Variants in PHACTR2 observed in about 807,000 individuals in gnomAD.
PHACTR2 encodes phosphatase and actin regulator 2, also known as chromosome 6 open reading frame 56.
In PHACTR2, 30 loss-of-function variants were observed where a neutral mutation model predicts 76.0. That is an observed-to-expected ratio of 0.39 (90% CI 0.30 to 0.54). The LOEUF is 0.54. Among genes scored for constraint, PHACTR2 ranks in the 20% least tolerant of loss-of-function variants. The probability of loss-of-function intolerance (pLI) is 0.61; values close to 1 mark genes in which losing one functional copy is unlikely to be tolerated. For synonymous variants in PHACTR2, 292 were observed against 292.5 expected (o/e 1.00, Z 0.02); for missense variants, 696 against 781.1 (o/e 0.89, Z 1.30).
Position 143,546,550 on chromosome 6 carries a change from C to T in PHACTR2, c.217+9343C>T, listed in dbSNP as rs1466841216. On this transcript the variant is annotated intron_variant, in intron 1 of 11. Transcript: ENST00000367584. The surrounding 1 kb of genome is among the most constrained non-coding windows in gnomAD (Gnocchi z 4.9). ...TTTTTTGTTTTATGTATATTTTCAC[C>T]TACCTGAATGTTTGGCATATCTTCT... is the stretch of plus-strand genomic sequence containing the variant. Among the ~76,000 whole-genome samples, 1 of 152,006 alleles carries T rather than the reference C, an allele frequency of 6.6e-6. No individual in the cohort carries two copies. Among genetic ancestry groups the T allele is most frequent in the Non-Finnish European group, 1.5e-5 (1 of 68,004 alleles).
In PHACTR2 at chr6:143,556,225, G is replaced by T. The variant is rs1381772473; in HGVS notation, c.217+19018G>T. ...GTGATACCAGCTACTGTATAATTCG[G>T]CCCCAGTTCATTTCAGACTTTCTTC... is the stretch of plus-strand genomic sequence containing the variant. On this transcript the variant is annotated intron_variant, in intron 1 of 11. Coordinates refer to the PHACTR2 transcript ENST00000367584. The surrounding 1 kb of genome is among the most constrained non-coding windows in gnomAD (Gnocchi z 4.3). Among the ~76,000 whole-genome samples the T allele has an allele frequency of 6.6e-6, 1 of 152,196 alleles. No homozygotes were observed. The highest frequency in any genetic ancestry group is 1.5e-5 in the Non-Finnish European group (1 of 68,046).
intron 5 of PHACTR2, among the ~76,000 whole-genome samples, chr6:143,763,186 C>A (rs1779477447): frequency 6.6e-6 from 1 of 151,934 alleles, no homozygotes; most frequent in Non-Finnish European, 1.5e-5. Context: ...TGGTGAAACC[C>A]CATCTCTACT....
Position 143,617,595 on chromosome 6 carries a change from C to G in PHACTR2, c.13+9273C>G, listed in dbSNP as rs1364706625. ...GGGTGACAACCACTGTTAGAGTCCTCTCTCTTTCTCTCTTTTCTTTCCCCT... is the reference window on the plus strand; with the variant it reads ...GGGTGACAACCACTGTTAGAGTCCTGTCTCTTTCTCTCTTTTCTTTCCCCT... On this transcript the variant is annotated intron_variant, in intron 1 of 11. Transcript: ENST00000305766. The surrounding 1 kb of genome is among the most constrained non-coding windows in gnomAD (Gnocchi z 4.8). Among the ~76,000 whole-genome samples the G allele has an allele frequency of 6.6e-6, 1 of 152,214 alleles. No individual in the cohort carries two copies. The highest frequency in any genetic ancestry group is 2.4e-5 in the African/African-American group (1 of 41,446).
intron 1 of PHACTR2, among the ~76,000 whole-genome samples, chr6:143,634,493 C>T (rs1171879361): frequency 6.6e-6 from 1 of 152,158 alleles, no homozygotes; most frequent in Non-Finnish European, 1.5e-5. Flanking sequence ...AAGAGGTCAT[C>T]TGATTTTAAA....
At chr6:143,555,318 A>T (rs536586392) in intron 1 of PHACTR2, 1 of 152,330 alleles carries the variant, frequency 6.6e-6, no homozygotes, top group South Asian at 2.1e-4. Context: ...TCTTGGGGGT[A>T]AGTTAAAATG....
intron 9 of PHACTR2, among the ~76,000 whole-genome samples, chr6:143,781,859 T>A (rs1477045618): frequency 6.6e-6 from 1 of 152,240 alleles, no homozygotes. Context: ...AACTCATTGT[T>A]TCTTGTCTTG....
chr6:143,690,382 T>C (rs1217647788), intron 1 of PHACTR2, among the ~76,000 whole-genome samples: 3 of 152,150 alleles, frequency 2.0e-5, no homozygotes, highest in Non-Finnish European at 2.9e-5. Flanking sequence ...TTGCATTGAA[T>C]CTTCAGATTG....
At chr6:143,569,757 G>A (rs892141570) in intron 1 of PHACTR2, among the ~76,000 whole-genome samples, 1 of 152,162 alleles carries the variant, frequency 6.6e-6, no homozygotes, top group African/African-American at 2.4e-5. Context: ...TTGCATAAAT[G>A]CTTCTTTTAC....
rs1291591388 is a variant in PHACTR2, at chr6:143,760,570, C to G, written c.624C>G (p.Thr208=). The change falls in exon 5 of 13, where the codon ACC becomes ACG. Residue 208 remains threonine, a synonymous_variant. Coordinates refer to ENST00000440869, the MANE Select transcript of PHACTR2 (RefSeq NM_001100164.2). The surrounding 1 kb of genome is among the most constrained non-coding windows in gnomAD (Gnocchi z 6.4). ...GDEVPPIKKN[T]KAPGKQAPVP... is the part of the protein sequence containing the mutation. ...AAGTGCCTCCCATTAAAAAAAATAC[C>G]AAGGCTCCTGGTAAGCAGGCCCCCG... 3 of 1,613,892 alleles carry G rather than the reference C, an allele frequency of 1.9e-6. No individual in the cohort carries two copies. Among genetic ancestry groups the G allele is most frequent in the Non-Finnish European group, 2.5e-6 (3 of 1,179,864 alleles).
intron 1 of PHACTR2, among the ~76,000 whole-genome samples, chr6:143,668,488 T>C (rs1354108989): frequency 6.6e-6 from 1 of 152,238 alleles, no homozygotes; most frequent in Non-Finnish European, 1.5e-5. Context: ...AATTCGGCTC[T>C]GAATCTGTCT....
At chr6:143,645,380 T>A (rs145920022) in intron 1 of PHACTR2, among the ~76,000 whole-genome samples, 57 of 152,226 alleles carry the variant, frequency 3.7e-4, no homozygotes, top group African/African-American at 1.3e-3. Context: ...AGTGACCTGG[T>A]TGAGTTTGGA....
At chr6:143,771,888 C>G (rs1370290271) in intron 6 of PHACTR2, among the ~76,000 whole-genome samples, 1 of 152,060 alleles carries the variant, frequency 6.6e-6, no homozygotes, top group Admixed American at 6.6e-5. Context: ...AGCACTCTAG[C>G]GGGATCGTCT....
rs1476795049 is a variant in PHACTR2 at position 143,537,212 on chromosome 6, G to C, written c.217+5G>C. 2 of 249,214 alleles carry C rather than the reference G, an allele frequency of 8.0e-6. No individual in the cohort carries two copies. The highest frequency in any genetic ancestry group is 4.7e-5 in the African/African-American group (2 of 42,908). 15.4% of individuals were successfully genotyped at this position (249,214 alleles called of 1,614,324 possible). ...GGGTCCACATCTCCGGCTCAGGTAA[G>C]AGCGGCTCGGGGCGCGGGCCGGGGA... On this transcript the variant is annotated splice_donor_5th_base_variant and intron_variant, in intron 1 of 11. Transcript: ENST00000367584. The surrounding 1 kb of genome is among the most constrained non-coding windows in gnomAD (Gnocchi z 4.4).
rs1194206030 is a variant in PHACTR2 at position 143,765,287 on chromosome 6, A to C, written c.721A>C (p.Thr241Pro). ...TGGCTCCTCTCATTCAAAAAAAACA[A>C]CTGGCTCTAAAGCATCAGCTTCGCC... is the stretch of plus-strand genomic sequence containing the variant. Reference protein sequence around the residue: ...AAGSSHSKKTTGSKASASPST... With the variant: ...AAGSSHSKKTPGSKASASPST... The change falls in exon 6 of 13, where the codon ACT (threonine) becomes CCT (proline). Residue 241 changes from threonine (T) to proline (P), a missense_variant. Physicochemically the swap from Thr to Pro is conservative, Grantham distance 38 (BLOSUM62 -1). Transcript: ENST00000440869. The surrounding 1 kb of genome is among the most constrained non-coding windows in gnomAD (Gnocchi z 4.1). 2.4e-5 allele frequency: 39 copies of C among 1,613,250 alleles called. No individual in the cohort carries two copies. Among genetic ancestry groups the C allele is most frequent in the Non-Finnish European group, 3.3e-5 (39 of 1,179,730 alleles).
chr6:143,630,563 T>C (rs1776347043), intron 1 of PHACTR2, among the ~76,000 whole-genome samples: 1 of 152,170 alleles, frequency 6.6e-6, no homozygotes, highest in African/African-American at 2.4e-5. Flanking sequence ...ATTAAATGAG[T>C]TAACCTTTCA....
Position 143,641,027 on chromosome 6 carries a change from C to T in PHACTR2, c.13+32705C>T, listed in dbSNP as rs1307211494. ...ATTTATAATGAATGAGAATGTATTT[C>T]TCATAGTTCTGGAGGTTGGTGGTCC... On this transcript the variant is annotated intron_variant, in intron 1 of 11. Coordinates refer to the PHACTR2 transcript ENST00000305766. This position sits in a 1 kb window ranked among gnomAD's most constrained non-coding sequence, Gnocchi z 5.8. 2.6e-5 allele frequency among the ~76,000 whole-genome samples: 4 copies of T among 152,108 alleles called. No individual in the cohort carries two copies. Among genetic ancestry groups the T allele is most frequent in the Non-Finnish European group, 5.9e-5 (4 of 68,010 alleles).
chr6:143,693,343 T>C (rs755394538), intron 1 of PHACTR2, among the ~76,000 whole-genome samples: 9 of 152,104 alleles, frequency 5.9e-5, no homozygotes, highest in Non-Finnish European at 1.3e-4. Flanking sequence ...GTTCCAGCGG[T>C]TCTCCTGCCT....
At position 143,757,961 on chromosome 6, in the gene PHACTR2, G is replaced by A. The variant is rs3748075; in HGVS notation, c.455-2440G>A. ...TGCGTGTGTGTGCATGCACACGTGC[G>A]CGCACACACACACACACACACACAC... On this transcript the variant is annotated intron_variant, in intron 4 of 12. Transcript: ENST00000440869. The surrounding 1 kb of genome is among the most constrained non-coding windows in gnomAD (Gnocchi z 4.2). Among the ~76,000 whole-genome samples the A allele has an allele frequency of 0.55, 71,404 of 128,702 alleles. 17,211 individuals carry two copies. The highest frequency in any genetic ancestry group is 0.62 in the South Asian group (2,613 of 4,208). The allele number at this position is 128,702 out of a possible 152,430, so 84.4% of individuals were successfully genotyped here.
intron 1 of PHACTR2, among the ~76,000 whole-genome samples, chr6:143,638,599 A>ACACACACACC (rs142885315): frequency 6.7e-6 from 1 of 149,720 alleles, no homozygotes; most frequent in Admixed American, 6.7e-5. Flanking sequence ...ACACACACAC[A>ACACACACACC]CCCAGCTATC....
Sources: allele counts gnomAD v4.1 joint callset (sites outside exome capture counted in the v4.1 genomes callset), GRCh38; gene constraint gnomAD v4.1.1; non-coding constraint Gnocchi (gnomAD v3.1); transcripts MANE v1.5; gene names NCBI Gene and HGNC (gene_info 2026-07-23, HGNC 2026-07-21).